Variants in ELFN2 observed in about 807,000 individuals in gnomAD.
ELFN2 encodes extracellular leucine rich repeat and fibronectin type III domain containing 2.
Under a neutral mutation model 45.5 loss-of-function variants are expected in ELFN2, and 17 were observed. That is an observed-to-expected ratio of 0.37 (90% CI 0.26 to 0.56). The LOEUF (loss-of-function observed/expected upper bound fraction) is 0.56. Ranked by LOEUF, ELFN2 falls within the 20% of genes least tolerant of loss-of-function variation. The pLI is 0.77. For missense variants in ELFN2, 922 were observed against 1,183.2 expected (o/e 0.78, Z 3.24); for synonymous variants, 550 against 551.5 (o/e 1.00, Z 0.04).
At chr22:37,343,131 G>A (rs1930601524) in intron 1 of ELFN2, among the ~76,000 whole-genome samples, 1 of 152,060 alleles carries the variant, frequency 6.6e-6, no homozygotes, top group Non-Finnish European at 1.5e-5. Flanking sequence ...ACTTGCCGAG[G>A]ACACACAGTG....
intron 2 of ELFN2, among the ~76,000 whole-genome samples, chr22:37,410,421 C>G (rs1467680555): frequency 6.6e-6 from 1 of 152,150 alleles, no homozygotes; most frequent in Non-Finnish European, 1.5e-5. Flanking sequence ...AGCCTGCCCA[C>G]GAGTGCGGGC....
At chr22:37,343,538 T>A (rs776736762) in intron 1 of ELFN2, among the ~76,000 whole-genome samples, 7 of 151,958 alleles carry the variant, frequency 4.6e-5, no homozygotes, top group South Asian at 4.1e-4. Flanking sequence ...CTCCTCCGCC[T>A]CCACCTTGGC....
intron 2 of ELFN2, among the ~76,000 whole-genome samples, chr22:37,401,984 A>G (rs1932376010): frequency 6.6e-6 from 1 of 152,172 alleles, no homozygotes; most frequent in African/African-American, 2.4e-5. Context: ...AAGAAGCCCC[A>G]GATAAGGAAT....
At chr22:37,350,984 C>A (rs73164580) in intron 1 of ELFN2, among the ~76,000 whole-genome samples, 42,627 of 149,884 alleles carry the variant, frequency 0.28, 7,809 homozygotes, top group Middle Eastern at 0.36. Flanking sequence ...CAGTGGGCCG[C>A]GGGACCCCGG....
rs540600855 is a variant in ELFN2 at position 37,373,433 on chromosome 22, G to A, written c.2102C>T (p.Pro701Leu). The A allele has an allele frequency of 3.4e-5, 53 of 1,555,640 alleles. No individual in the cohort carries two copies. Among genetic ancestry groups the A allele is most frequent in the Non-Finnish European group, 4.4e-5 (51 of 1,152,330 alleles). ...GGGIHHLEVK[P>L]AYHCSEHRHS... is the part of the protein sequence containing the mutation. ...CCGGTGCTCGCTGCAGTGGTAGGCC[G>A]GCTTCACCTCCAGGTGGTGGATGCC... Residue 701 changes from proline (P) to leucine (L), a missense_variant, in exon 3 of 3, where the codon CCG becomes CTG. Physicochemically the swap from Pro to Leu is moderately conservative, Grantham distance 98. Transcript: ENST00000402918.
At chr22:37,411,898 C>T (rs1454147057) in intron 2 of ELFN2, among the ~76,000 whole-genome samples, 1 of 152,122 alleles carries the variant, frequency 6.6e-6, no homozygotes, top group Non-Finnish European at 1.5e-5. Flanking sequence ...CAAGGTCTCA[C>T]TTCCCACCAC....
chr22:37,387,013 G>T (rs1931964744), intron 2 of ELFN2, among the ~76,000 whole-genome samples: 1 of 152,266 alleles, frequency 6.6e-6, no homozygotes, highest in South Asian at 2.1e-4. Context: ...GCTCCAGGAA[G>T]CTGCCTCCTG....
At chr22:37,383,673 G>T (rs10854702) in intron 2 of ELFN2, among the ~76,000 whole-genome samples, 109,199 of 152,168 alleles carry the variant, frequency 0.72, 39,242 homozygotes, top group Admixed American at 0.8. Flanking sequence ...CACCCACGTT[G>T]CTTACGCGTT....
At chr22:37,390,921 T>C (rs1036899673) in intron 2 of ELFN2, among the ~76,000 whole-genome samples, 1 of 152,106 alleles carries the variant, frequency 6.6e-6, no homozygotes, top group Admixed American at 6.5e-5. Context: ...GAGAAGGATG[T>C]ACAACAGGAT....
At chr22:37,411,979 A>G (rs1932659228) in intron 2 of ELFN2, among the ~76,000 whole-genome samples, 1 of 151,942 alleles carries the variant, frequency 6.6e-6, no homozygotes, top group Non-Finnish European at 1.5e-5. Context: ...CTCTTCCAAA[A>G]AAAAAGTCTT....
At chr22:37,395,402 C>T (rs2145664288) in intron 2 of ELFN2, among the ~76,000 whole-genome samples, 1 of 152,304 alleles carries the variant, frequency 6.6e-6, no homozygotes, top group East Asian at 1.9e-4. Context: ...GAGACGGGCA[C>T]TGTTATTCTA....
At chr22:37,360,907 C>T (rs1048626958) in intron 1 of ELFN2, among the ~76,000 whole-genome samples, 14 of 152,156 alleles carry the variant, frequency 9.2e-5, no homozygotes, top group African/African-American at 2.7e-4. Flanking sequence ...CAGAGTGAAG[C>T]GCGGCGCTCC....
At chr22:37,392,318 CTTTT>C (rs1285741986) in intron 2 of ELFN2, among the ~76,000 whole-genome samples, 1 of 131,176 alleles carries the variant, frequency 7.6e-6, no homozygotes. Context: ...GTTGGATTCT[CTTTT>C]TTTTTTTTTT....
intron 2 of ELFN2, among the ~76,000 whole-genome samples, chr22:37,382,076 T>C (rs1447280556): frequency 6.6e-6 from 1 of 151,400 alleles, no homozygotes; most frequent in Non-Finnish European, 1.5e-5. Context: ...TTCCTTTTAG[T>C]TTCACGGCCG....
At chr22:37,398,531 C>A (rs1438937658) in intron 2 of ELFN2, among the ~76,000 whole-genome samples, 1 of 151,714 alleles carries the variant, frequency 6.6e-6, no homozygotes, top group Non-Finnish European at 1.5e-5. Context: ...AACTGACTGT[C>A]GCCTACCCTG....
chr22:37,367,784 C>T (rs1931239008), downstream of ELFN2, among the ~76,000 whole-genome samples: 1 of 152,146 alleles, frequency 6.6e-6, no homozygotes, highest in South Asian at 2.1e-4. Flanking sequence ...GGCCCCCTCT[C>T]CCTCTCTCTG....
chr22:37,364,856 T>C (rs1931167282), downstream of ELFN2, among the ~76,000 whole-genome samples: 1 of 152,116 alleles, frequency 6.6e-6, no homozygotes, highest in Non-Finnish European at 1.5e-5. Context: ...GAACAAAGGC[T>C]TGGGCAGTTC....
At chr22:37,363,668 C>A (rs1232131717), downstream of ELFN2, among the ~76,000 whole-genome samples, 1 of 152,140 alleles carries the variant, frequency 6.6e-6, no homozygotes, top group Non-Finnish European at 1.5e-5. Context: ...GGAGAGGCAG[C>A]CCGGGCCTCA....
chr22:37,424,678 G>A (rs974832113), intron 1 of ELFN2, among the ~76,000 whole-genome samples: 24 of 133,142 alleles, frequency 1.8e-4, no homozygotes, highest in African/African-American at 3.5e-4. Flanking sequence ...CACTGAGGGC[G>A]GCGGGGGGGG....
Sources: gnomAD v4.1 joint callset for allele counts (sites outside exome capture counted in the v4.1 genomes callset) on GRCh38, gnomAD v4.1.1 for gene constraint, MANE v1.5 for transcripts, NCBI Gene and HGNC (gene_info 2026-07-23, HGNC 2026-07-21) for gene names.